The following DGKH variants were observed in gnomAD, a reference collection of about 807,000 sequenced individuals.
The protein encoded by DGKH is DAG kinase eta.
DGKH carries 90 observed loss-of-function variants against 159.3 expected under a neutral mutation model. The observed-to-expected ratio is 0.57, with a 90% confidence interval of 0.48 to 0.67. The LOEUF is 0.67. Ranked by LOEUF, DGKH falls within the 30% of genes least tolerant of loss-of-function variation. DGKH has a pLI of 0.00. For missense variants in DGKH, 1,181 were observed against 1,506.1 expected, an observed-to-expected ratio of 0.78 and a Z score of 3.57; for synonymous variants, 536 against 553.8, an observed-to-expected ratio of 0.97 and a Z score of 0.45.
At chr13:42,122,381 C>T (rs1203364967) in intron 1 of DGKH, among the ~76,000 whole-genome samples, 1 of 152,158 alleles carries the variant, frequency 6.6e-6, no homozygotes. Flanking sequence ...TGGTGAGAGC[C>T]TTCTTCCTGG....
At chr13:42,098,169 G>A (rs899899001) in intron 1 of DGKH, among the ~76,000 whole-genome samples, 2 of 152,118 alleles carry the variant, frequency 1.3e-5, no homozygotes, top group African/African-American at 4.8e-5. Flanking sequence ...CTTTACACAG[G>A]TGAAAAAATA....
chr13:42,146,052 C>G (rs754740933), intron 3 of DGKH, among the ~76,000 whole-genome samples: 7 of 151,658 alleles, frequency 4.6e-5, no homozygotes, highest in Non-Finnish European at 8.8e-5. Context: ...TTAGAGCTGC[C>G]CCATTTGTTA....
intron 29 of DGKH, among the ~76,000 whole-genome samples, chr13:42,222,335 C>CT (rs1957998679): frequency 6.6e-6 from 1 of 152,056 alleles, no homozygotes; most frequent in Non-Finnish European, 1.5e-5. Context: ...GTTGTTGCAC[C>CT]TTTATCTACA....
chr13:42,151,093 A>C (rs1372457234), intron 3 of DGKH, among the ~76,000 whole-genome samples: 1 of 152,164 alleles, frequency 6.6e-6, no homozygotes, highest in African/African-American at 2.4e-5. Context: ...AGTCTCTGGA[A>C]GGAATGGAGC....
At chr13:42,116,274 T>C (rs1258982138) in intron 1 of DGKH, among the ~76,000 whole-genome samples, 1 of 152,100 alleles carries the variant, frequency 6.6e-6, no homozygotes, top group African/African-American at 2.4e-5. Flanking sequence ...AGGAAATATA[T>C]AGGCCAAAGA....
At chr13:42,108,262 G>A (rs748652364) in intron 1 of DGKH, among the ~76,000 whole-genome samples, 2 of 152,208 alleles carry the variant, frequency 1.3e-5, no homozygotes, top group Non-Finnish European at 2.9e-5. Context: ...CAAAAAGGAA[G>A]ACCAGTTTTC....
chr13:42,157,337 G>A (rs1014263468), intron 5 of DGKH, among the ~76,000 whole-genome samples: 1 of 151,856 alleles, frequency 6.6e-6, no homozygotes, highest in African/African-American at 2.4e-5. Flanking sequence ...GACACTCTGT[G>A]GTACCCTTCT....
chr13:42,155,675 G>C lies in DGKH; in HGVS notation c.498G>C (p.Gln166His), dbSNP rs368631270. ...VQTREPYEVA[Q>H]FNVEHFSGMH... ...TCACATCTCATTTCTAGGTGGCCCA[G>C]TTTAATGTGGAACATTTCTCAGGGA... The change falls in exon 5 of 30, where the codon CAG (glutamine) becomes CAC (histidine). Residue 166 changes from glutamine to histidine, a missense_variant. Around this residue, in one of 5 missense-constraint regions of DGKH, gnomAD observed 369 missense variants for 519.4 expected, o/e 0.71. Coordinates refer to ENST00000337343, the MANE Select transcript of DGKH (RefSeq NM_178009.5). 193 of 1,614,084 alleles carry C rather than the reference G, an allele frequency of 1.2e-4. No individual in the cohort carries two copies. The highest frequency in any genetic ancestry group is 1.6e-4 in the Non-Finnish European group (183 of 1,180,036).
chr13:42,077,639 T>C (rs1161540753), intron 1 of DGKH, among the ~76,000 whole-genome samples: 2 of 152,230 alleles, frequency 1.3e-5, no homozygotes, highest in Admixed American at 6.5e-5. Context: ...ATCTGGTTAA[T>C]GGAAAAGTTA....
Position 42,229,019 on chromosome 13 carries a change from CTTTCATTTTTAAAAT to C in DGKH, c.3574-75_3574-61del. 2.4e-6 allele frequency: 3 copies of C among 1,265,168 alleles called. No homozygotes were observed. In the Middle Eastern group the frequency reaches 6.7e-4, roughly 281 times the overall value. The allele number at this position is 1,265,168 out of a possible 1,614,324, so 78.4% of individuals were successfully genotyped here. On this transcript the variant is annotated intron_variant, in intron 29 of 29. Coordinates refer to ENST00000337343, the MANE Select transcript of DGKH (RefSeq NM_178009.5). ...ATTTTCAATAAACTTTTTTCCTTTTCTTTCATTTTTAAAATTTTCTTTCTGTGTTTTTTCTTTCAT... is the reference window on the plus strand; with the variant it reads ...ATTTTCAATAAACTTTTTTCCTTTTCTTTCTTTCTGTGTTTTTTCTTTCAT...
intron 1 of DGKH, among the ~76,000 whole-genome samples, chr13:42,060,151 C>T (rs555119342): frequency 1.1e-4 from 13 of 122,802 alleles, no homozygotes; most frequent in African/African-American, 3.0e-4. Context: ...GGTGATCCAC[C>T]GGCCTCGGCC....
chr13:42,055,456 A>G (rs1457920409), intron 1 of DGKH, among the ~76,000 whole-genome samples: 1 of 152,248 alleles, frequency 6.6e-6, no homozygotes, highest in Non-Finnish European at 1.5e-5. Flanking sequence ...ATTAAAGATA[A>G]GAGACATAAT....
intron 20 of DGKH, among the ~76,000 whole-genome samples, chr13:42,203,998 T>C (rs1957402995): frequency 6.6e-6 from 1 of 152,226 alleles, no homozygotes; most frequent in South Asian, 2.1e-4. Flanking sequence ...TATGAGACTC[T>C]ATGAAATGGA....
intron 29 of DGKH, among the ~76,000 whole-genome samples, chr13:42,222,919 G>A (rs377132945): frequency 9.2e-5 from 14 of 152,072 alleles, no homozygotes; most frequent in Non-Finnish European, 1.8e-4. Context: ...ATACACTAAG[G>A]CAAAGTTAGA....
intron 16 of DGKH, among the ~76,000 whole-genome samples, chr13:42,193,448 C>T (rs943026520): frequency 2.6e-5 from 4 of 152,026 alleles, no homozygotes; most frequent in African/African-American, 9.7e-5. Flanking sequence ...AAATGAATAG[C>T]AATAGTGGAA....
At position 42,233,230 on chromosome 13, in the gene DGKH, T is replaced by A. The variant is rs1380985491; in HGVS notation, c.*4042T>A. The A allele has an allele frequency of 6.6e-6, 1 of 152,196 alleles. No individual in the cohort carries two copies. The highest frequency in any genetic ancestry group is 1.5e-5 in the Non-Finnish European group (1 of 68,042). The allele number at this position is 152,196 out of a possible 1,614,324, so 9.4% of individuals were successfully genotyped here. A position where few individuals can be genotyped will look rare whatever the true frequency, so the allele number is the denominator to read the frequency against. On this transcript the variant is annotated 3_prime_UTR_variant, in exon 30 of 30. Transcript: ENST00000337343. ...AGTGGACAGTGCAGATGTAGAAAAT[T>A]TCCATCACTGCAAAAATTCTATTGG...
At chr13:42,158,077 G>C (rs1379956549) in intron 5 of DGKH, among the ~76,000 whole-genome samples, 1 of 152,152 alleles carries the variant, frequency 6.6e-6, no homozygotes, top group African/African-American at 2.4e-5. Context: ...TATTTTTCAA[G>C]GATAAACCAG....
intron 3 of DGKH, among the ~76,000 whole-genome samples, chr13:42,142,443 G>A (rs571763527): frequency 1.9e-4 from 29 of 151,418 alleles, no homozygotes; most frequent in Non-Finnish European, 3.7e-4. Flanking sequence ...AAAGTCATTG[G>A]TAGCTTGATG....
At chr13:42,070,059 C>A in intron 1 of DGKH, 3 of 949,318 alleles carry the variant, frequency 3.2e-6, no homozygotes, top group Non-Finnish European at 3.5e-6. Context: ...GAGTTTCATC[C>A]ATAAGCAAAA....
Sources: gnomAD v4.1 joint callset for allele counts (sites outside exome capture counted in the v4.1 genomes callset) on GRCh38, gnomAD v4.1.1 for gene constraint, gnomAD v4.1.1 regional missense constraint, MANE v1.5 for transcripts, NCBI Gene and HGNC (gene_info 2026-07-23, HGNC 2026-07-21) for gene names.